Variants in TDRD10 observed in about 807,000 individuals in gnomAD.
TDRD10 encodes the protein tudor domain-containing protein 10.
In TDRD10, 40 loss-of-function variants were observed where a neutral mutation model predicts 48.0. That is an observed-to-expected ratio of 0.83 (90% CI 0.65 to 1.09). The LOEUF is 1.09. Among genes scored for constraint, TDRD10 ranks in the 50% least tolerant of loss-of-function variants. The pLI is 0.00. For synonymous variants in TDRD10, 162 were observed against 170.4 expected, an observed-to-expected ratio of 0.95 and a Z score of 0.38; for missense variants, 378 against 434.7, an observed-to-expected ratio of 0.87 and a Z score of 1.16.
At chr1:154,544,737 G>T in intron 10 of TDRD10, 58 bp from the exon 11 acceptor site, 1 of 1,585,776 alleles carries the variant, frequency 6.3e-7, no homozygotes, top group Non-Finnish European at 8.6e-7. Context: ...GTTGAGGACT[G>T]CTGTGCATGG....
Position 154,521,431 on chromosome 1 carries a change from G to C in TDRD10, c.321G>C (p.Arg107Ser), listed in dbSNP as rs1482283379. Reference sequence around the variant, plus strand: ...AACTGTTCGTGAATACAAGCAAAAGGCCCCCCAAGAGGACCCCTGATATGA... The same window carrying C: ...AACTGTTCGTGAATACAAGCAAAAGCCCCCCCAAGAGGACCCCTGATATGA... ...KRKLFVNTSKRPPKRTPDMIQ... is the reference protein window; with the variant it reads ...KRKLFVNTSKSPPKRTPDMIQ... Residue 107 changes from arginine (R) to serine (S), a missense_variant, in exon 6 of 13, where the codon AGG (arginine) becomes AGC (serine). Physicochemically the swap from Arg to Ser is moderately radical, Grantham distance 110 (BLOSUM62 -1). Transcript: ENST00000368482. 6.2e-7 allele frequency: 1 copy of C among 1,614,104 alleles called. No homozygotes were observed. The highest frequency in any genetic ancestry group is 8.5e-7 in the Non-Finnish European group (1 of 1,180,028).
At chr1:154,537,677 G>T (rs1443809014) in intron 6 of TDRD10, among the ~76,000 whole-genome samples, 1 of 152,200 alleles carries the variant, frequency 6.6e-6, no homozygotes, top group Non-Finnish European at 1.5e-5. Context: ...GTGTATGCAA[G>T]AACTTCTCCC....
chr1:154,542,959 C>A, intron 8 of TDRD10, 138 bp downstream of exon 8: 1 of 627,628 alleles, frequency 1.6e-6, no homozygotes, highest in Non-Finnish European at 2.7e-6. Context: ...GGCTGTAAGG[C>A]TGTGACCCAC....
rs534654736 is a variant in TDRD10 at position 154,513,177 on chromosome 1, G to T, written c.141+4696G>T. On this transcript the variant is annotated intron_variant, in intron 4 of 12. Transcript: ENST00000368482. ...AAAGACGGAGCAATTTGAGCATCAC[G>T]TACTACATTTGATTAAAATTCACCA... Among the ~76,000 whole-genome samples the T allele has an allele frequency of 3.9e-5, 6 of 152,272 alleles. No homozygotes were observed. In the East Asian group the frequency reaches 9.6e-4, roughly 24 times the overall value.
intron 4 of TDRD10, 116 bp from the exon 5 acceptor site, chr1:154,520,188 C>G: frequency 1.4e-6 from 1 of 728,324 alleles, no homozygotes; most frequent in Non-Finnish European, 2.4e-6. Flanking sequence ...CATAATAGAT[C>G]CTCATTAAGT....
At chr1:154,545,075 C>G in intron 11 of TDRD10, 126 bp downstream of exon 11, 1 of 1,294,650 alleles carries the variant, frequency 7.7e-7, no homozygotes, top group Non-Finnish European at 1.0e-6. Flanking sequence ...TTCCACCCAA[C>G]CCCAGTTTTC....
intron 4 of TDRD10, among the ~76,000 whole-genome samples, chr1:154,509,360 C>T (rs1171617991): frequency 2.0e-5 from 3 of 152,138 alleles, no homozygotes; most frequent in African/African-American, 7.2e-5. Context: ...TATATTTTAA[C>T]TGTCAGGCAT....
In TDRD10 at chr1:154,547,987, G is replaced by C. The variant is rs907297141; in HGVS notation, c.*277G>C. 3.7e-6 allele frequency: 2 copies of C among 533,412 alleles called. No individual in the cohort carries two copies. The highest frequency in any genetic ancestry group is 6.6e-6 in the Non-Finnish European group (2 of 301,036). 33.0% of individuals were successfully genotyped at this position (533,412 alleles called of 1,614,324 possible). A position where few individuals can be genotyped will look rare whatever the true frequency, so the allele number is the denominator to read the frequency against. On this transcript the variant is annotated 3_prime_UTR_variant, in exon 13 of 13. Transcript: ENST00000368482. Reference sequence around the variant, plus strand: ...TTGAAAGCCTGAGGCAGCTGGGATGGTCTTTCTTGTGTCTCTTCTTTGCAC... The same window carrying C: ...TTGAAAGCCTGAGGCAGCTGGGATGCTCTTTCTTGTGTCTCTTCTTTGCAC...
At chr1:154,544,204 A>G (rs1039353240) in intron 9 of TDRD10, 94 bp downstream of exon 9, 1 of 1,586,696 alleles carries the variant, frequency 6.3e-7, no homozygotes, top group Non-Finnish European at 8.6e-7. Context: ...AGTGGTGGAG[A>G]TGCAGGGTAA....
intron 6 of TDRD10, among the ~76,000 whole-genome samples, chr1:154,522,066 G>C (rs143925236): frequency 2.7e-3 from 405 of 152,350 alleles, no homozygotes; most frequent in African/African-American, 8.7e-3. Flanking sequence ...TGAAGTGTTA[G>C]TGCTAGAAGC....
At chr1:154,534,477 G>C (rs1694814137) in intron 6 of TDRD10, 1 of 152,214 alleles carries the variant, frequency 6.6e-6, no homozygotes, top group Non-Finnish European at 1.5e-5. Flanking sequence ...GTTTTCCATA[G>C]CCTGCTCCGA....
intron 2 of TDRD10, 146 bp from the exon 3 acceptor site, chr1:154,507,095 A>T: frequency 6.6e-7 from 1 of 1,523,570 alleles, no homozygotes; most frequent in African/African-American, 1.4e-5. Flanking sequence ...CCTGGCTTGG[A>T]ACCTGATTCT....
intron 6 of TDRD10, chr1:154,534,624 G>T (rs572800561): frequency 1.3e-5 from 2 of 152,310 alleles, no homozygotes; most frequent in East Asian, 3.9e-4. Flanking sequence ...TGTTGTTATT[G>T]TTTTCTTTTT....
intron 11 of TDRD10, among the ~76,000 whole-genome samples, chr1:154,546,235 G>A (rs1421084520): frequency 6.9e-6 from 1 of 144,578 alleles, no homozygotes; most frequent in Non-Finnish European, 1.5e-5. Context: ...TACTACGCCT[G>A]GCTAATTTTT....
chr1:154,515,256 C>G (rs532080967), intron 4 of TDRD10, among the ~76,000 whole-genome samples: 2 of 152,080 alleles, frequency 1.3e-5, no homozygotes, highest in Non-Finnish European at 2.9e-5. Flanking sequence ...CCTCGGCCTC[C>G]CAAAGTGCTG....
intron 8 of TDRD10, 30 bp downstream of exon 8, chr1:154,542,851 C>T (rs779896338): frequency 6.4e-7 from 1 of 1,567,468 alleles, no homozygotes; most frequent in South Asian, 1.1e-5. Flanking sequence ...ACCACCAGGG[C>T]AAATGGCGAT....
chr1:154,511,453 G>C (rs972602337), intron 4 of TDRD10, among the ~76,000 whole-genome samples: 2 of 151,806 alleles, frequency 1.3e-5, no homozygotes, highest in African/African-American at 4.8e-5. Context: ...GGTCAACATG[G>C]TGAAACTAAT....
intron 11 of TDRD10, among the ~76,000 whole-genome samples, chr1:154,546,856 T>C (rs1695620207): frequency 6.6e-6 from 1 of 152,100 alleles, no homozygotes; most frequent in Admixed American, 6.5e-5. Context: ...GAAAATGGCA[T>C]AGCTGGGGAT....
chr1:154,530,022 T>C (rs1324497668), intron 6 of TDRD10, among the ~76,000 whole-genome samples: 1 of 152,166 alleles, frequency 6.6e-6, no homozygotes, highest in African/African-American at 2.4e-5. Context: ...TTTCTTTTTT[T>C]TTCTGAGACA....
Sources: gnomAD v4.1 joint callset for allele counts (sites outside exome capture counted in the v4.1 genomes callset) on GRCh38, gnomAD v4.1.1 for gene constraint, MANE v1.5 for transcripts, NCBI Gene and HGNC (gene_info 2026-07-23, HGNC 2026-07-21) for gene names.